DNASE1: variants seen among roughly 807,000 people sequenced by gnomAD.
The protein encoded by DNASE1 is deoxyribonuclease-1.
Under a neutral mutation model 33.9 loss-of-function variants are expected in DNASE1, and 40 were observed. The observed-to-expected ratio is 1.18, with a 90% CI of 0.92 to 1.54. The LOEUF is 1.54. Among genes scored for constraint, DNASE1 ranks in the 40% most tolerant of loss-of-function variants. The pLI is 0.00. For missense variants in DNASE1, 518 were observed against 372.6 expected (o/e 1.39, Z -3.21); for synonymous variants, 216 against 160.0 (o/e 1.35, Z -2.64).
Position 3,655,844 on chromosome 16 carries a change from C to T in DNASE1, c.148-5C>T, listed in dbSNP as rs760879312. 1.2e-5 allele frequency: 19 copies of T among 1,613,580 alleles called. No individual in the cohort carries two copies. Among genetic ancestry groups the T allele is most frequent in the South Asian group, 4.4e-5 (4 of 91,078 alleles). On this transcript the variant is annotated splice_polypyrimidine_tract_variant and splice_region_variant and intron_variant, in intron 2 of 8. Coordinates refer to ENST00000246949, the MANE Select transcript of DNASE1 (RefSeq NM_005223.4). ...TGCTCAGCACCACTGTGGCCCTGCC[C>T]CCAGATCCTGAGCCGCTATGACATC...
At chr16:3,625,781 A>G (rs903443896) in intron 1 of DNASE1, among the ~76,000 whole-genome samples, 1 of 152,196 alleles carries the variant, frequency 6.6e-6, no homozygotes, top group Non-Finnish European at 1.5e-5. Context: ...CATTAAAATT[A>G]AGAACCTTTA....
chr16:3,618,264 A>AG (rs1466762421), intron 1 of DNASE1, among the ~76,000 whole-genome samples: 2 of 152,092 alleles, frequency 1.3e-5, no homozygotes, highest in East Asian at 3.9e-4. Context: ...AAAAAAAAAA[A>AG]AAAAGTATTG....
rs780408465 is a variant in DNASE1 at position 3,656,695 on chromosome 16, C to T, written c.378C>T (p.Cys126=). ...ACTACGATGATGGCTGCGAGCCCTG[C>T]GGGAACGACACCTTCAACCGAGAGC... ...SYYYDDGCEP[C]GNDTFNREPA... The change falls in exon 5 of 9, where the codon TGC becomes TGT. Residue 126 remains cysteine (C), a synonymous_variant. Transcript: ENST00000246949. 33 of 1,613,134 alleles carry T rather than the reference C, an allele frequency of 2.0e-5. No homozygotes were observed. Among genetic ancestry groups the T allele is most frequent in the Middle Eastern group, 1.6e-4 (1 of 6,082 alleles).
chr16:3,620,771 T>C (rs2041279200), intron 1 of DNASE1, among the ~76,000 whole-genome samples: 1 of 151,894 alleles, frequency 6.6e-6, no homozygotes, highest in Admixed American at 6.6e-5. Flanking sequence ...ATGTGTGTTT[T>C]GTTTGGTTTG....
exon 10 of DNASE1, chr16:3,664,456 C>A: frequency 1.2e-6 from 2 of 1,609,588 alleles, no homozygotes; most frequent in Non-Finnish European, 1.7e-6. Flanking sequence ...TTTGCTATGT[C>A]CTCCTAGAAG....
chr16:3,664,196 C>T, exon 10 of DNASE1: 3 of 1,420,270 alleles, frequency 2.1e-6, no homozygotes, highest in Non-Finnish European at 2.8e-6. Flanking sequence ...GGCAGGTTCA[C>T]CCAGCACAGA....
intron 1 of DNASE1, among the ~76,000 whole-genome samples, chr16:3,618,921 A>G (rs995672818): frequency 5.3e-5 from 8 of 152,242 alleles, no homozygotes; most frequent in African/African-American, 1.7e-4. Flanking sequence ...CAGTGGCACA[A>G]TCATGACTCA....
chr16:3,639,587 C>A (rs749694179), upstream of DNASE1, among the ~76,000 whole-genome samples: 3 of 152,212 alleles, frequency 2.0e-5, no homozygotes, highest in Non-Finnish European at 4.4e-5. Context: ...CCTCCCTTTA[C>A]TCTAGGATGT....
chr16:3,658,333 G>A, downstream of DNASE1: 1 of 940,936 alleles, frequency 1.1e-6, no homozygotes, highest in South Asian at 1.5e-5. Flanking sequence ...GGAGTGCAGA[G>A]GCACGATCTC....
intron 1 of DNASE1, among the ~76,000 whole-genome samples, chr16:3,637,928 G>A (rs2041918924): frequency 6.6e-6 from 1 of 152,146 alleles, no homozygotes; most frequent in African/African-American, 2.4e-5. Flanking sequence ...TGTAACTTCA[G>A]TTCTCTGATG....
At chr16:3,615,564 C>T (rs1670391692) in intron 1 of DNASE1, among the ~76,000 whole-genome samples, 1 of 152,166 alleles carries the variant, frequency 6.6e-6, no homozygotes, top group Admixed American at 6.5e-5. Context: ...ACTGTCAGAA[C>T]AACCAGGGAG....
chr16:3,661,981 C>G, downstream of DNASE1: 1 of 1,597,364 alleles, frequency 6.3e-7, no homozygotes, highest in South Asian at 1.1e-5. Context: ...AGGAGCGTGG[C>G]CTCACCTGGG....
intron 1 of DNASE1, among the ~76,000 whole-genome samples, chr16:3,645,796 T>C: frequency 6.6e-6 from 1 of 152,350 alleles, no homozygotes; most frequent in East Asian, 1.9e-4. Context: ...GGTTAACACT[T>C]TCTTTATTAT....
In DNASE1 at chr16:3,656,000, C is replaced by G. The variant is rs926039183; in HGVS notation, c.236+63C>G. ...TCGTCCACGGCACAGCCTCACTTCA[C>G]TTGGGCCCCAAGGGTGGGGACCTGG... is the stretch of plus-strand genomic sequence containing the variant. On this transcript the variant is annotated intron_variant, in intron 3 of 8. Transcript: ENST00000246949. The G allele has an allele frequency of 2.5e-6, 4 of 1,612,320 alleles. No homozygotes were observed. In the South Asian group the frequency reaches 3.3e-5, roughly 13 times the overall value.
intron 1 of DNASE1, among the ~76,000 whole-genome samples, chr16:3,632,965 G>A (rs1233794105): frequency 6.6e-6 from 1 of 151,972 alleles, no homozygotes; most frequent in East Asian, 1.9e-4. Flanking sequence ...TTTTTTGCAA[G>A]GTGGATTTAC....
intron 5 of DNASE1, 109 bp from the exon 6 acceptor site, chr16:3,656,890 G>A: frequency 6.5e-7 from 1 of 1,546,530 alleles, no homozygotes; most frequent in Non-Finnish European, 8.7e-7. Flanking sequence ...AAGTCATTTG[G>A]AAAATATCCA....
chr16:3,630,968 G>A (rs1596582447), intron 1 of DNASE1, among the ~76,000 whole-genome samples: 1 of 152,004 alleles, frequency 6.6e-6, no homozygotes, highest in East Asian at 1.9e-4. Flanking sequence ...CTTAGTTACT[G>A]ATCAGGAAAG....
chr16:3,627,009 C>T (rs1053054505), intron 1 of DNASE1, among the ~76,000 whole-genome samples: 2 of 151,772 alleles, frequency 1.3e-5, no homozygotes, highest in Admixed American at 6.6e-5. Flanking sequence ...GGAGCTGGGA[C>T]CACAGGCACA....
intron 1 of DNASE1, among the ~76,000 whole-genome samples, chr16:3,647,376 C>T (rs1384078006): frequency 6.6e-6 from 1 of 151,350 alleles, no homozygotes; most frequent in Admixed American, 6.6e-5. Flanking sequence ...CAGGCTCACA[C>T]AATCCTCCTA....
Sources: gnomAD v4.1 joint callset for allele counts (sites outside exome capture counted in the v4.1 genomes callset) on GRCh38, gnomAD v4.1.1 for gene constraint, MANE v1.5 for transcripts, NCBI Gene and HGNC (gene_info 2026-07-23, HGNC 2026-07-21) for gene names.